GAREM1: variants seen among roughly 807,000 people sequenced by gnomAD.
GAREM1 encodes GRB2 associated regulator of MAPK1 subtype 1, also known as GRB2-associated and regulator of MAPK protein 1.
Under a neutral mutation model 71.3 loss-of-function variants are expected in GAREM1, and 26 were observed. The observed-to-expected ratio is 0.36, with a 90% CI of 0.27 to 0.51. GAREM1 has a LOEUF of 0.51. Among genes scored for constraint, GAREM1 ranks in the 20% least tolerant of loss-of-function variants. The probability of loss-of-function intolerance (pLI) is 0.95; values close to 1 mark genes in which losing one functional copy is unlikely to be tolerated. For synonymous variants in GAREM1, 440 were observed against 433.2 expected, an observed-to-expected ratio of 1.02 and a Z score of -0.20; for missense variants, 1,026 against 1,103.1, an observed-to-expected ratio of 0.93 and a Z score of 0.99.
intron 4 of GAREM1, among the ~76,000 whole-genome samples, chr18:32,283,559 CA>C (rs56663651): frequency 0.096 from 14,467 of 151,076 alleles, 1,513 homozygotes; most frequent in African/African-American, 0.26. Context: ...AAAAACAAAA[CA>C]AAAAAAAGCA....
chr18:32,354,175 A>G (rs550734464), intron 2 of GAREM1, among the ~76,000 whole-genome samples: 1 of 152,360 alleles, frequency 6.6e-6, no homozygotes, highest in Non-Finnish European at 1.5e-5. Context: ...ATTTTATATC[A>G]TACGCAAAAC....
intron 2 of GAREM1, among the ~76,000 whole-genome samples, chr18:32,389,396 C>T (rs532772595): frequency 2.6e-5 from 4 of 152,182 alleles, no homozygotes; most frequent in Non-Finnish European, 4.4e-5. Flanking sequence ...GTTTCTCTTT[C>T]GATCTTCACA....
intron 2 of GAREM1, among the ~76,000 whole-genome samples, chr18:32,371,976 T>C (rs1173590729): frequency 6.6e-6 from 1 of 151,762 alleles, no homozygotes; most frequent in African/African-American, 2.4e-5. Flanking sequence ...CCACAATGAG[T>C]TATGAAGTAA....
intron 2 of GAREM1, among the ~76,000 whole-genome samples, chr18:32,391,837 T>A (rs1259781948): frequency 6.6e-6 from 1 of 152,174 alleles, no homozygotes; most frequent in Non-Finnish European, 1.5e-5. Flanking sequence ...GTCTTATAAT[T>A]TTTTTGAGTA....
intron 1 of GAREM1, among the ~76,000 whole-genome samples, chr18:32,461,743 T>G (rs1292391700): frequency 6.6e-6 from 1 of 152,166 alleles, no homozygotes; most frequent in Non-Finnish European, 1.5e-5. Context: ...TTTTATATTT[T>G]ACAAAAACAA....
intron 2 of GAREM1, among the ~76,000 whole-genome samples, chr18:32,386,000 C>T (rs2048144114): frequency 6.6e-6 from 1 of 152,132 alleles, no homozygotes; most frequent in South Asian, 2.1e-4. Context: ...ATTCAGTCAT[C>T]AAAAATGGTT....
chr18:32,379,187 TG>T (rs2048068935), intron 2 of GAREM1, among the ~76,000 whole-genome samples: 1 of 152,112 alleles, frequency 6.6e-6, no homozygotes, highest in Admixed American at 6.6e-5. Flanking sequence ...AGATACTGCA[TG>T]AGAGGTGCTC....
intron 1 of GAREM1, among the ~76,000 whole-genome samples, chr18:32,465,223 A>C (rs2048988342): frequency 6.6e-6 from 1 of 152,338 alleles, no homozygotes; most frequent in East Asian, 1.9e-4. Flanking sequence ...TCCAAGAGCA[A>C]AACTAAGTTA....
At chr18:32,321,780 C>T (rs1219053438) in intron 2 of GAREM1, among the ~76,000 whole-genome samples, 1 of 152,300 alleles carries the variant, frequency 6.6e-6, no homozygotes, top group Admixed American at 6.5e-5. Context: ...ATATTCCCAA[C>T]CACAGCATCT....
intron 1 of GAREM1, among the ~76,000 whole-genome samples, chr18:32,466,228 C>G (rs887181727): frequency 2.0e-5 from 3 of 151,386 alleles, no homozygotes; most frequent in Non-Finnish European, 1.5e-5. Flanking sequence ...TACTTTCAAG[C>G]ATAAAAATAT....
intron 1 of GAREM1, among the ~76,000 whole-genome samples, chr18:32,438,263 T>G (rs928572321): frequency 3.9e-5 from 6 of 152,350 alleles, no homozygotes; most frequent in Non-Finnish European, 8.8e-5. Flanking sequence ...TGCTATGGTC[T>G]AAAGCTAGAC....
intron 1 of GAREM1, among the ~76,000 whole-genome samples, chr18:32,401,311 A>T (rs2048313309): frequency 6.6e-6 from 1 of 152,186 alleles, no homozygotes; most frequent in South Asian, 2.1e-4. Flanking sequence ...TGTACCCTAG[A>T]ACTTAAAGTA....
chr18:32,408,537 T>C (rs928849006), intron 1 of GAREM1, among the ~76,000 whole-genome samples: 10 of 152,168 alleles, frequency 6.6e-5, no homozygotes, highest in Non-Finnish European at 1.5e-4. Flanking sequence ...GAGAACCTAA[T>C]GTCAGCATTA....
intron 1 of GAREM1, among the ~76,000 whole-genome samples, chr18:32,457,951 C>T (rs773348319): frequency 6.6e-6 from 1 of 152,014 alleles, no homozygotes; most frequent in Non-Finnish European, 1.5e-5. Context: ...AATATTTACA[C>T]AGATATTCAA....
intron 2 of GAREM1, among the ~76,000 whole-genome samples, chr18:32,387,853 T>G (rs1215357413): frequency 6.6e-6 from 1 of 152,228 alleles, no homozygotes; most frequent in Non-Finnish European, 1.5e-5. Context: ...TGAAAATCTC[T>G]GATGTAACAC....
intron 2 of GAREM1, among the ~76,000 whole-genome samples, chr18:32,363,920 A>ACACACACACACACACACACACAT (rs1408632288): frequency 1.4e-4 from 21 of 146,708 alleles, no homozygotes; most frequent in East Asian, 1.0e-3. Context: ...ACACACACAT[A>ACACACACACACACACACACACAT]AAAAAATATA....
At chr18:32,375,797 C>T (rs2048025365) in intron 2 of GAREM1, among the ~76,000 whole-genome samples, 1 of 151,092 alleles carries the variant, frequency 6.6e-6, no homozygotes. Context: ...AATCGATTTG[C>T]TCAAGATTCA....
chr18:32,453,131 C>T (rs1483189696), intron 1 of GAREM1, among the ~76,000 whole-genome samples: 5 of 151,972 alleles, frequency 3.3e-5, no homozygotes, highest in Non-Finnish European at 7.4e-5. Context: ...ACGTCTTACG[C>T]GGCCGCAGGA....
rs141019067 is a variant in GAREM1, at chr18:32,287,370, C to G, written c.1227G>C (p.Leu409=). ...GAGGAAAGGGAGCCCAATCTCCCCCCAGGTCCCTGCAACCATGAAGGTTCA... is the reference window on the plus strand; with the variant it reads ...GAGGAAAGGGAGCCCAATCTCCCCCGAGGTCCCTGCAACCATGAAGGTTCA... ...SEVNLHGCRD[L]GGDWAPFPHD... The change falls in exon 4 of 6, where the codon CTG becomes CTC. Residue 409 remains leucine (L), a synonymous_variant. Coordinates refer to ENST00000269209, the MANE Select transcript of GAREM1 (RefSeq NM_001242409.2). This position sits in a 1 kb window ranked among gnomAD's most constrained non-coding sequence, Gnocchi z 5.9. 2 of 1,614,106 alleles carry G rather than the reference C, an allele frequency of 1.2e-6. No homozygotes were observed. Among genetic ancestry groups the G allele is most frequent in the Admixed American group, 1.7e-5 (1 of 60,002 alleles).
Sources: allele counts gnomAD v4.1 joint callset (sites outside exome capture counted in the v4.1 genomes callset), GRCh38; gene constraint gnomAD v4.1.1; non-coding constraint Gnocchi (gnomAD v3.1); transcripts MANE v1.5; gene names NCBI Gene and HGNC (gene_info 2026-07-23, HGNC 2026-07-21).